SOX6: variants seen among roughly 807,000 people sequenced by gnomAD.
SOX6 encodes transcription factor SOX-6.
In SOX6, 11 loss-of-function variants were observed where a neutral mutation model predicts 97.8. The ratio of observed to expected loss-of-function variants is 0.11; its 90% CI spans 0.07 to 0.19. The LOEUF (loss-of-function observed/expected upper bound fraction) is 0.19. SOX6 is among the 10% of genes least tolerant of loss of function. The pLI is 1.00. For synonymous variants in SOX6, 360 were observed against 371.4 expected, an observed-to-expected ratio of 0.97 and a Z score of 0.35; for missense variants, 810 against 1,039.5, an observed-to-expected ratio of 0.78 and a Z score of 3.04.
At chr11:16,020,763 A>T (rs769257516) in intron 12 of SOX6, among the ~76,000 whole-genome samples, 7 of 152,138 alleles carry the variant, frequency 4.6e-5, no homozygotes, top group Non-Finnish European at 2.9e-5. Flanking sequence ...TATGTTAAAG[A>T]ATCGGACTTT....
chr11:16,695,592 A>G (rs1302014249), intron 3 of SOX6, among the ~76,000 whole-genome samples: 1 of 152,204 alleles, frequency 6.6e-6, no homozygotes, highest in Non-Finnish European at 1.5e-5. Flanking sequence ...CAAGAGACAG[A>G]CTTAGCCCCT....
At chr11:16,278,881 C>T (rs1854475510) in intron 3 of SOX6, among the ~76,000 whole-genome samples, 1 of 152,012 alleles carries the variant, frequency 6.6e-6, no homozygotes, top group Non-Finnish European at 1.5e-5. Flanking sequence ...AAAACAATAA[C>T]CATCCAGTTG....
chr11:16,566,515 G>T (rs1287388766), intron 4 of SOX6, among the ~76,000 whole-genome samples: 1 of 152,186 alleles, frequency 6.6e-6, no homozygotes, highest in East Asian at 1.9e-4. Flanking sequence ...AAAGAAATAG[G>T]TTGAGTCAGC....
Position 16,097,666 on chromosome 11 carries a change from G to T in SOX6, c.921C>A (p.Phe307Leu). 1.2e-6 allele frequency: 2 copies of T among 1,611,094 alleles called. No individual in the cohort carries two copies. Among genetic ancestry groups the T allele is most frequent in the Non-Finnish European group, 8.5e-7 (1 of 1,177,930 alleles). The change falls in exon 8 of 16, where the codon TTC becomes TTA. Residue 307 changes from phenylalanine to leucine, a missense_variant. By Grantham distance (22) the Phe-to-Leu change is conservative. This residue lies in a region of SOX6 where 244 missense variants were observed against 261.0 expected (regional missense o/e 0.93). Transcript: ENST00000683767. ...CAGCAGCTGCCATTGTTGATGGAAT[G>T]AACTGTACGGGGTAGTTATCACCTG... ...YKPGDNYPVQ[F>L]IPSTMAAAAA...
intron 3 of SOX6, among the ~76,000 whole-genome samples, chr11:16,295,948 A>G (rs1855070953): frequency 6.6e-6 from 1 of 152,072 alleles, no homozygotes; most frequent in African/African-American, 2.4e-5. Flanking sequence ...AGGCTATCCT[A>G]TTTAGTGAGG....
intron 3 of SOX6, among the ~76,000 whole-genome samples, chr11:16,700,072 G>A (rs1013490994): frequency 2.0e-5 from 3 of 151,942 alleles, no homozygotes; most frequent in Non-Finnish European, 4.4e-5. Flanking sequence ...AATACAGCAT[G>A]TACAAATCAC....
intron 9 of SOX6, among the ~76,000 whole-genome samples, chr11:16,078,672 G>C (rs1467070573): frequency 1.3e-5 from 2 of 152,082 alleles, no homozygotes; most frequent in Non-Finnish European, 2.9e-5. Context: ...ATGTAAATCT[G>C]GTGGTGATAT....
chr11:16,428,104 G>A (rs1456314079), intron 1 of SOX6, among the ~76,000 whole-genome samples: 1 of 152,150 alleles, frequency 6.6e-6, no homozygotes, highest in Admixed American at 6.5e-5. Flanking sequence ...TTTTACATGT[G>A]TCTTTTGGCT....
rs571343203 is a variant in SOX6, at chr11:16,284,795, C to T, written c.445+33651G>A. Among the ~76,000 whole-genome samples, 8 of 152,248 alleles carry T rather than the reference C, an allele frequency of 5.3e-5. No individual in the cohort carries two copies. The East Asian group carries it at 1.5e-3, about 29-fold the overall frequency. On this transcript the variant is annotated intron_variant, in intron 3 of 15. Coordinates refer to ENST00000683767, the MANE Select transcript of SOX6 (RefSeq NM_001367873.1). ...ACCCGCTACTATTTCCCTTGTGAGC[C>T]TCTTCTGGTAAAGCTGTATTTTATT...
chr11:16,242,990 T>C (rs1853238033), intron 3 of SOX6, among the ~76,000 whole-genome samples: 1 of 151,858 alleles, frequency 6.6e-6, no homozygotes, highest in Non-Finnish European at 1.5e-5. Flanking sequence ...TACCTGTGCT[T>C]TTTCACTTCC....
intron 1 of SOX6, among the ~76,000 whole-genome samples, chr11:16,447,424 T>C (rs1311798699): frequency 6.9e-6 from 1 of 145,842 alleles, no homozygotes; most frequent in Non-Finnish European, 1.5e-5. Context: ...GAGAAAATTA[T>C]TTCTCTCTCT....
intron 1 of SOX6, among the ~76,000 whole-genome samples, chr11:16,425,711 A>G (rs1204811570): frequency 6.6e-6 from 1 of 152,234 alleles, no homozygotes; most frequent in African/African-American, 2.4e-5. Flanking sequence ...ACAAACTCCT[A>G]TTCACAATTG....
intron 1 of SOX6, among the ~76,000 whole-genome samples, chr11:16,434,795 C>T (rs1298017847): frequency 3.3e-5 from 5 of 151,984 alleles, no homozygotes; most frequent in Admixed American, 1.3e-4. Context: ...ATTAAAAATA[C>T]TTGAGAGAAA....
chr11:16,592,217 C>G (rs901917278), intron 4 of SOX6, among the ~76,000 whole-genome samples: 5 of 151,072 alleles, frequency 3.3e-5, no homozygotes, highest in African/African-American at 1.2e-4. Flanking sequence ...GAAGTTCTCC[C>G]GAACAAACCT....
At chr11:16,169,385 G>A (rs968202173) in intron 6 of SOX6, among the ~76,000 whole-genome samples, 1 of 152,014 alleles carries the variant, frequency 6.6e-6, no homozygotes, top group Non-Finnish European at 1.5e-5. Context: ...GCTAAAAGAA[G>A]TTACTAAGCT....
At chr11:16,626,675 A>G (rs1204660832) in intron 3 of SOX6, among the ~76,000 whole-genome samples, 1 of 152,188 alleles carries the variant, frequency 6.6e-6, no homozygotes, top group African/African-American at 2.4e-5. Context: ...AGTCTGTGAA[A>G]ATAGCGTGTC....
At chr11:16,733,883 C>T (rs1196127510) in intron 2 of SOX6, among the ~76,000 whole-genome samples, 5 of 151,466 alleles carry the variant, frequency 3.3e-5, no homozygotes, top group Admixed American at 6.6e-5. Flanking sequence ...AAAAATTAGC[C>T]GGGCATGGTG....
intron 4 of SOX6, among the ~76,000 whole-genome samples, chr11:16,582,900 A>G (rs955961418): frequency 1.3e-5 from 2 of 152,086 alleles, no homozygotes; most frequent in African/African-American, 4.8e-5. Context: ...TCTCCAAATT[A>G]TTCCAGAGCA....
At chr11:16,145,950 C>A (rs2134048032) in intron 6 of SOX6, among the ~76,000 whole-genome samples, 1 of 152,266 alleles carries the variant, frequency 6.6e-6, no homozygotes, top group Admixed American at 6.5e-5. Context: ...AGATTCAATG[C>A]CACTCCCATC....
Sources: allele counts gnomAD v4.1 joint callset (sites outside exome capture counted in the v4.1 genomes callset), GRCh38; gene constraint gnomAD v4.1.1; regional missense constraint gnomAD v4.1.1; transcripts MANE v1.5; gene names NCBI Gene and HGNC (gene_info 2026-07-23, HGNC 2026-07-21).